The following ABHD2 variants were observed in gnomAD, a reference collection of about 807,000 sequenced individuals.
ABHD2 encodes abhydrolase domain containing 2, acylglycerol lipase.
Under a neutral mutation model 48.1 loss-of-function variants are expected in ABHD2, and 20 were observed. The ratio of observed to expected loss-of-function variants is 0.42; its 90% CI spans 0.29 to 0.60. The LOEUF is 0.60. Among genes scored for constraint, ABHD2 ranks in the 20% least tolerant of loss-of-function variants. ABHD2 has a pLI of 0.24. For synonymous variants in ABHD2, 209 were observed against 214.2 expected, an observed-to-expected ratio of 0.98 and a Z score of 0.21; for missense variants, 405 against 550.9, an observed-to-expected ratio of 0.74 and a Z score of 2.65.
rs1411575622 is a variant in ABHD2, at chr15:89,101,960, T to A, written c.-106-11765T>A. On this transcript the variant is annotated intron_variant, in intron 1 of 10. Coordinates refer to ENST00000352732, the MANE Select transcript of ABHD2 (RefSeq NM_152924.5). ...CTTCAGCCCCTCATATGAACAACAG[T>A]GCACAGCCCTATGCGCACAGCCAAG... Among the ~76,000 whole-genome samples the A allele has an allele frequency of 3.3e-5, 5 of 152,312 alleles. No homozygotes were observed. In the East Asian group the frequency reaches 7.7e-4, roughly 24 times the overall value.
intron 5 of ABHD2, among the ~76,000 whole-genome samples, chr15:89,156,575 T>C (rs2050677554): frequency 6.6e-6 from 1 of 152,026 alleles, no homozygotes; most frequent in Non-Finnish European, 1.5e-5. Flanking sequence ...GGCAAAACCC[T>C]GTCTCTACTA....
At chr15:89,123,564 C>CT (rs933441770) in intron 3 of ABHD2, among the ~76,000 whole-genome samples, 13 of 129,948 alleles carry the variant, frequency 1.0e-4, no homozygotes, top group South Asian at 5.3e-4. Context: ...AGTTATTTCT[C>CT]TTTTTTTTTC....
In ABHD2 at chr15:89,191,104, G is replaced by A. The variant is rs2051296387; in HGVS notation, c.951G>A (p.Leu317=). The A allele has an allele frequency of 3.1e-6, 5 of 1,613,792 alleles. No homozygotes were observed. The highest frequency in any genetic ancestry group is 4.2e-6 in the Non-Finnish European group (5 of 1,180,024). ...GGAAGTTTCACGGCTATAACTCCCT[G>A]AAGGAATACTATGAGGAAGAAAGTT... The part of the protein sequence containing the change: ...VMRKFHGYNS[L]KEYYEEESCM... The change falls in exon 9 of 11, where the codon CTG becomes CTA. Residue 317 remains leucine (L), a synonymous_variant. Coordinates refer to ENST00000352732, the MANE Select transcript of ABHD2 (RefSeq NM_152924.5).
At position 89,151,808 on chromosome 15, in the gene ABHD2, C is replaced by T. The variant is rs780873207; in HGVS notation, c.326C>T (p.Ser109Phe). 4 of 1,614,108 alleles carry T rather than the reference C, an allele frequency of 2.5e-6. No homozygotes were observed. The highest frequency in any genetic ancestry group is 3.4e-6 in the Non-Finnish European group (4 of 1,180,054). Residue 109 changes from serine to phenylalanine, a missense_variant, in exon 4 of 11, where the codon TCT becomes TTT. Physicochemically the swap from Ser to Phe is radical, Grantham distance 155 (BLOSUM62 -2). Transcript: ENST00000352732. This position sits in a 1 kb window ranked among gnomAD's most constrained non-coding sequence, Gnocchi z 4.7. ...ATCACTATGTCTGATGGAGCCACTTCTACATTCGACCTCTTCGAGCCCTTG... is the reference window on the plus strand; with the variant it reads ...ATCACTATGTCTGATGGAGCCACTTTTACATTCGACCTCTTCGAGCCCTTG... Reference protein sequence around the residue: ...KFITMSDGATSTFDLFEPLAE... With the variant: ...KFITMSDGATFTFDLFEPLAE...
rs893275939 is a variant in ABHD2 at position 89,168,364 on chromosome 15, A to T, written c.539-7448A>T. 6.6e-6 allele frequency among the ~76,000 whole-genome samples: 1 copy of T among 152,242 alleles called. No homozygotes were observed. The highest frequency in any genetic ancestry group is 2.4e-5 in the African/African-American group (1 of 41,454). On this transcript the variant is annotated intron_variant, in intron 5 of 10. Coordinates refer to ENST00000352732, the MANE Select transcript of ABHD2 (RefSeq NM_152924.5). The surrounding 1 kb of genome is among the most constrained non-coding windows in gnomAD (Gnocchi z 4.8). ...AATCCCATAAGAATTAAATACATAG[A>T]GCCTCATTTAAAAACAGATTAATGT...
At chr15:89,118,938 A>ACCT (rs2050004889) in intron 3 of ABHD2, among the ~76,000 whole-genome samples, 1 of 151,780 alleles carries the variant, frequency 6.6e-6, no homozygotes, top group Non-Finnish European at 1.5e-5. Context: ...GCTCCCACCC[A>ACCT]CCTCCTCCTA....
chr15:89,135,480 G>C (rs1287083699), intron 3 of ABHD2: 1 of 799,022 alleles, frequency 1.3e-6, no homozygotes, highest in East Asian at 2.5e-5. Context: ...TTCTTTAAAA[G>C]GAGTGAGTTA....
rs2050955779 is a variant in ABHD2 at position 89,173,105 on chromosome 15, T to C, written c.539-2707T>C. On this transcript the variant is annotated intron_variant, in intron 5 of 10. Coordinates refer to ENST00000352732, the MANE Select transcript of ABHD2 (RefSeq NM_152924.5). The surrounding 1 kb of genome is among the most constrained non-coding windows in gnomAD (Gnocchi z 6.5). ...GGCCCAAGGGAGGTGAACAAATGTC[T>C]CCTTTGGGATTTCTAAATTTTTTAT... Among the ~76,000 whole-genome samples the C allele has an allele frequency of 6.6e-6, 1 of 152,264 alleles. No homozygotes were observed. The highest frequency in any genetic ancestry group is 2.4e-5 in the African/African-American group (1 of 41,476).
intron 3 of ABHD2, among the ~76,000 whole-genome samples, chr15:89,127,992 A>G (rs1174717022): frequency 6.6e-6 from 1 of 151,982 alleles, no homozygotes; most frequent in Non-Finnish European, 1.5e-5. Context: ...CTTTCCACAT[A>G]TGTATCTCTC....
intron 3 of ABHD2, among the ~76,000 whole-genome samples, chr15:89,129,847 A>C (rs1442446772): frequency 6.6e-6 from 1 of 152,158 alleles, no homozygotes; most frequent in Non-Finnish European, 1.5e-5. Flanking sequence ...TGGCATGTGT[A>C]AGAGTTCAGT....
the ABHD2 span, among the ~76,000 whole-genome samples, chr15:89,056,912 T>C: frequency 3.4e-3 from 496 of 145,520 alleles, 6 homozygotes; most frequent in African/African-American, 0.012. Context: ...TGATACCTTT[T>C]TTTTTTTTTT....
rs1241917833 is a variant in ABHD2, at chr15:89,177,544, A to G, written c.722+1549A>G. On this transcript the variant is annotated intron_variant, in intron 6 of 10. Coordinates refer to ENST00000352732, the MANE Select transcript of ABHD2 (RefSeq NM_152924.5). This position sits in a 1 kb window ranked among gnomAD's most constrained non-coding sequence, Gnocchi z 5.6. ...CATTTCATAGGCGAGTTTTCAGTTTAGTTACGTTTAGCAGTCCCCGGGGTT... is the reference window on the plus strand; with the variant it reads ...CATTTCATAGGCGAGTTTTCAGTTTGGTTACGTTTAGCAGTCCCCGGGGTT... 6.6e-5 allele frequency among the ~76,000 whole-genome samples: 10 copies of G among 152,186 alleles called. No individual in the cohort carries two copies. The highest frequency in any genetic ancestry group is 1.5e-4 in the Non-Finnish European group (10 of 68,032).
chr15:89,123,407 C>A (rs1190077435), intron 3 of ABHD2, among the ~76,000 whole-genome samples: 2 of 152,128 alleles, frequency 1.3e-5, no homozygotes, highest in African/African-American at 4.8e-5. Context: ...CATCCATCAG[C>A]CTTGGTTAGT....
At chr15:89,076,655 T>A in the ABHD2 span, among the ~76,000 whole-genome samples, 2 of 152,032 alleles carry the variant, frequency 1.3e-5, no homozygotes, top group Non-Finnish European at 2.9e-5. Flanking sequence ...AGCTACTTTT[T>A]TGTATTTTTG....
chr15:89,129,409 A>G (rs1220265226), intron 3 of ABHD2, among the ~76,000 whole-genome samples: 2 of 152,234 alleles, frequency 1.3e-5, no homozygotes, highest in African/African-American at 2.4e-5. Flanking sequence ...TACCTTGGCC[A>G]GAAAGGATCA....
At position 89,151,722 on chromosome 15, in the gene ABHD2, A is replaced by T. The variant is rs901179434; in HGVS notation, c.240A>T (p.Thr80=). The T allele has an allele frequency of 4.4e-5, 71 of 1,614,094 alleles. No individual in the cohort carries two copies. Among genetic ancestry groups the T allele is most frequent in the Non-Finnish European group, 5.7e-5 (67 of 1,180,048 alleles). ...GGGGGAAAAGTGGACACATCCAGAC[A>T]GCCTTGTATGGGAAGATGGGAAGGG... ...LIWGKSGHIQ[T]ALYGKMGRVR... is the part of the protein sequence containing the mutation. The change falls in exon 4 of 11, where the codon ACA becomes ACT. Residue 80 remains threonine (T), a synonymous_variant. Transcript: ENST00000352732. The surrounding 1 kb of genome is among the most constrained non-coding windows in gnomAD (Gnocchi z 4.7).
chr15:89,157,780 T>G (rs1010084841), intron 5 of ABHD2, among the ~76,000 whole-genome samples: 2 of 151,706 alleles, frequency 1.3e-5, no homozygotes, highest in African/African-American at 4.8e-5. Context: ...GAGGTGGAGC[T>G]TGCAGTGAGC....
intron 5 of ABHD2, among the ~76,000 whole-genome samples, chr15:89,163,423 A>G (rs1451892298): frequency 6.6e-6 from 1 of 152,056 alleles, no homozygotes; most frequent in East Asian, 1.9e-4. Context: ...CATTTATCTC[A>G]CTCTAATGAG....
In ABHD2 at chr15:89,159,583, T is replaced by C. The variant is rs535632090; in HGVS notation, c.538+4049T>C. Among the ~76,000 whole-genome samples, 5 of 152,142 alleles carry C rather than the reference T, an allele frequency of 3.3e-5. No individual in the cohort carries two copies. The South Asian group carries it at 1.0e-3, about 32-fold the overall frequency. On this transcript the variant is annotated intron_variant, in intron 5 of 10. Transcript: ENST00000352732. ...GGCACTCATGAACAGTTGGAGTTTGTAGACAGGGGAGTGCGCTATGGAAGG... is the reference window on the plus strand; with the variant it reads ...GGCACTCATGAACAGTTGGAGTTTGCAGACAGGGGAGTGCGCTATGGAAGG...
Sources: allele counts gnomAD v4.1 joint callset (sites outside exome capture counted in the v4.1 genomes callset), GRCh38; gene constraint gnomAD v4.1.1; non-coding constraint Gnocchi (gnomAD v3.1); transcripts MANE v1.5; gene names NCBI Gene and HGNC (gene_info 2026-07-23, HGNC 2026-07-21).